ELMO1: variants seen among roughly 807,000 people sequenced by gnomAD.
ELMO1 encodes the protein engulfment and cell motility protein 1.
In ELMO1, 26 loss-of-function variants were observed where a neutral mutation model predicts 98.9. That is an observed-to-expected ratio of 0.26 (90% CI 0.19 to 0.36). ELMO1 has a LOEUF of 0.36. Ranked by LOEUF, ELMO1 falls within the 10% of genes least tolerant of loss-of-function variation. The probability of loss-of-function intolerance (pLI) is 1.00; values close to 1 mark genes in which losing one functional copy is unlikely to be tolerated. For missense variants in ELMO1, 627 were observed against 935.2 expected, an observed-to-expected ratio of 0.67 and a Z score of 4.30; for synonymous variants, 346 against 346.0, an observed-to-expected ratio of 1.00 and a Z score of 0.00.
chr7:37,222,664 A>G lies in ELMO1; in HGVS notation c.731T>C (p.Ile244Thr), dbSNP rs1793661469. Reference sequence around the variant, plus strand: ...CAGGAAAAGCGCATTAATCACTGCAATAGTATAGGTTTGGATTTCTTGATC... The same window carrying G: ...CAGGAAAAGCGCATTAATCACTGCAGTAGTATAGGTTTGGATTTCTTGATC... ...GSDQEIQTYT[I>T]AVINALFLKA... The change falls in exon 10 of 22, where the codon ATT becomes ACT. Residue 244 changes from isoleucine to threonine, a missense_variant. Physicochemically the swap from Ile to Thr is moderately conservative, Grantham distance 89. Coordinates refer to ENST00000310758, the MANE Select transcript of ELMO1 (RefSeq NM_014800.11). The G allele has an allele frequency of 1.9e-6, 3 of 1,613,956 alleles. No individual in the cohort carries two copies. Among genetic ancestry groups the G allele is most frequent in the South Asian group, 1.1e-5 (1 of 91,066 alleles).
At chr7:37,108,645 T>G (rs1785067362) in intron 14 of ELMO1, among the ~76,000 whole-genome samples, 1 of 152,180 alleles carries the variant, frequency 6.6e-6, no homozygotes, top group Non-Finnish European at 1.5e-5. Flanking sequence ...CAAATTATGG[T>G]AAAGTATAGG....
intron 15 of ELMO1, among the ~76,000 whole-genome samples, chr7:37,078,351 T>G (rs1797695100): frequency 6.6e-6 from 1 of 152,180 alleles, no homozygotes; most frequent in African/African-American, 2.4e-5. Flanking sequence ...AATCTCTACC[T>G]ATAAATCTCT....
At chr7:36,902,709 G>C (rs1437030665) in intron 16 of ELMO1, among the ~76,000 whole-genome samples, 1 of 152,194 alleles carries the variant, frequency 6.6e-6, no homozygotes, top group Non-Finnish European at 1.5e-5. Context: ...TCTTTGGTAA[G>C]TGATGGCAAG....
intron 16 of ELMO1, among the ~76,000 whole-genome samples, chr7:36,925,506 C>T (rs1050301894): frequency 2.0e-5 from 3 of 152,144 alleles, no homozygotes; most frequent in African/African-American, 7.2e-5. Flanking sequence ...GAAGGCCTCT[C>T]TTCCTTATGA....
intron 13 of ELMO1, among the ~76,000 whole-genome samples, chr7:37,202,927 T>G (rs2130328831): frequency 6.6e-6 from 1 of 152,324 alleles, no homozygotes. Flanking sequence ...GGTTTTGGTT[T>G]GTTTCTCCCC....
At chr7:37,246,829 T>C (rs575037301) in intron 6 of ELMO1, among the ~76,000 whole-genome samples, 200 of 152,066 alleles carry the variant, frequency 1.3e-3, no homozygotes, top group African/African-American at 4.5e-3. Context: ...TCTATATATA[T>C]ATCTGTATAT....
At chr7:37,193,320 A>G (rs2130197342) in intron 13 of ELMO1, among the ~76,000 whole-genome samples, 1 of 152,314 alleles carries the variant, frequency 6.6e-6, no homozygotes, top group African/African-American at 2.4e-5. Context: ...GATTGTATCC[A>G]ACCAAGGCCC....
At chr7:36,960,183 T>G (rs1256658000) in intron 16 of ELMO1, among the ~76,000 whole-genome samples, 2 of 152,304 alleles carry the variant, frequency 1.3e-5, no homozygotes, top group South Asian at 2.1e-4. Context: ...CACTTTCCTG[T>G]GAGTACTGTG....
intron 13 of ELMO1, among the ~76,000 whole-genome samples, chr7:37,182,236 CAG>C (rs1040711598): frequency 2.0e-5 from 3 of 152,122 alleles, no homozygotes; most frequent in Non-Finnish European, 4.4e-5. Flanking sequence ...CACATCCTCT[CAG>C]AGTTTGGTAA....
chr7:37,285,881 G>A (rs1385157154), intron 4 of ELMO1, among the ~76,000 whole-genome samples: 1 of 152,006 alleles, frequency 6.6e-6, no homozygotes, highest in African/African-American at 2.4e-5. Context: ...CCTTCCCACT[G>A]CCAGCAGTTT....
chr7:37,113,307 G>C (rs1201831411), intron 14 of ELMO1, among the ~76,000 whole-genome samples: 1 of 152,232 alleles, frequency 6.6e-6, no homozygotes, highest in African/African-American at 2.4e-5. Context: ...CCGGGCACTG[G>C]GGTACCGCAG....
chr7:37,222,383 C>G (rs1464720174), intron 10 of ELMO1, among the ~76,000 whole-genome samples: 1 of 152,218 alleles, frequency 6.6e-6, no homozygotes, highest in Non-Finnish European at 1.5e-5. Context: ...CTGGAACACT[C>G]CTAGCATCCC....
At chr7:36,930,869 C>T (rs4720230) in intron 16 of ELMO1, among the ~76,000 whole-genome samples, 33,405 of 152,082 alleles carry the variant, frequency 0.22, 4,019 homozygotes, top group South Asian at 0.4. Flanking sequence ...ACAAAGGGGA[C>T]ACGCAGAAAA....
At chr7:37,291,339 T>C (rs1415587578) in intron 4 of ELMO1, among the ~76,000 whole-genome samples, 1 of 152,088 alleles carries the variant, frequency 6.6e-6, no homozygotes, top group Non-Finnish European at 1.5e-5. Context: ...AAAGCCCAAG[T>C]AACAAAAGGG....
chr7:37,298,156 C>T (rs961335992), intron 4 of ELMO1, among the ~76,000 whole-genome samples: 6 of 151,886 alleles, frequency 4.0e-5, no homozygotes, highest in African/African-American at 1.5e-4. Context: ...TAAAGTGGTA[C>T]CTCATTTTTT....
intron 1 of ELMO1, among the ~76,000 whole-genome samples, chr7:37,365,874 T>C (rs80057400): frequency 0.081 from 12,273 of 152,250 alleles, 622 homozygotes; most frequent in Middle Eastern, 0.12. Context: ...TGTTTTTAAG[T>C]TTCACAAGTA....
At chr7:37,043,669 C>T (rs1380760872) in intron 15 of ELMO1, among the ~76,000 whole-genome samples, 2 of 152,132 alleles carry the variant, frequency 1.3e-5, no homozygotes, top group African/African-American at 4.8e-5. Context: ...ATCAGAAAAT[C>T]AGAGTGTGAG....
Position 37,162,404 on chromosome 7 carries a change from C to T in ELMO1, c.1087-29170G>A, listed in dbSNP as rs565238337. 2.6e-3 allele frequency among the ~76,000 whole-genome samples: 400 copies of T among 152,304 alleles called. 5 individuals are homozygous for T. The highest frequency in any genetic ancestry group is 2.4e-3 in the Non-Finnish European group (164 of 68,032). On this transcript the variant is annotated intron_variant, in intron 13 of 21. Coordinates refer to ENST00000310758, the MANE Select transcript of ELMO1 (RefSeq NM_014800.11). ...CTCTGGCCCCTGAAACTCTTCCATC[C>T]ACACAAGTAGAATCATTTGCTAATC...
intron 15 of ELMO1, among the ~76,000 whole-genome samples, chr7:37,092,845 G>A (rs946132726): frequency 6.6e-6 from 1 of 151,924 alleles, no homozygotes. Flanking sequence ...GTGATTCCAA[G>A]ATGGGTCATT....
Sources: allele counts gnomAD v4.1 joint callset (sites outside exome capture counted in the v4.1 genomes callset), GRCh38; gene constraint gnomAD v4.1.1; transcripts MANE v1.5; gene names NCBI Gene and HGNC (gene_info 2026-07-23, HGNC 2026-07-21).